The following PLAAT4 variants were observed in gnomAD, a reference collection of about 807,000 sequenced individuals.
PLAAT4 encodes the protein phospholipase A and acyltransferase 4.
In PLAAT4, 12 loss-of-function variants were observed where a neutral mutation model predicts 14.1. The observed-to-expected ratio is 0.85, with a 90% CI of 0.54 to 1.37. The LOEUF is 1.37. Ranked by LOEUF, PLAAT4 falls within the 40% of genes most tolerant of loss-of-function variation. The pLI is 0.00. For missense variants in PLAAT4, 163 were observed against 211.7 expected (o/e 0.77, Z 1.43); for synonymous variants, 77 against 79.8 (o/e 0.96, Z 0.19).
chr11:63,542,931 G>C (rs2017333078), intron 2 of PLAAT4, among the ~76,000 whole-genome samples: 1 of 152,132 alleles, frequency 6.6e-6, no homozygotes, highest in Admixed American at 6.5e-5. Context: ...AAAGCTTATA[G>C]GGGAAACCTG....
At chr11:63,537,631 C>G (rs1565235025) in intron 1 of PLAAT4, among the ~76,000 whole-genome samples, 1 of 152,224 alleles carries the variant, frequency 6.6e-6, no homozygotes, top group Non-Finnish European at 1.5e-5. Context: ...CACTGGCCAC[C>G]AGCTGAGGTT....
intron 2 of PLAAT4, among the ~76,000 whole-genome samples, chr11:63,543,829 A>G (rs2017341067): frequency 6.6e-6 from 1 of 152,218 alleles, no homozygotes; most frequent in African/African-American, 2.4e-5. Flanking sequence ...ATTGTAGGAC[A>G]GAAGACACTT....
chr11:63,540,436 A>G (rs963863800), intron 2 of PLAAT4, among the ~76,000 whole-genome samples: 1 of 152,232 alleles, frequency 6.6e-6, no homozygotes, highest in African/African-American at 2.4e-5. Context: ...CCAATGTTTT[A>G]TTTAACTCAT....
intron 2 of PLAAT4, among the ~76,000 whole-genome samples, chr11:63,544,154 T>C (rs956449174): frequency 2.6e-5 from 4 of 152,180 alleles, no homozygotes; most frequent in Admixed American, 2.0e-4. Context: ...TTTACCATCA[T>C]TGTTTATAAT....
chr11:63,546,329 G>A lies in PLAAT4; in HGVS notation c.*73G>A, dbSNP rs536062221. The A allele has an allele frequency of 4.5e-4, 617 of 1,382,804 alleles. 5 individuals are homozygous for A. The African/African-American group carries it at 8.1e-3, about 18-fold the overall frequency. The allele number at this position is 1,382,804 out of a possible 1,614,324, so 85.7% of individuals were successfully genotyped here. ...GAGATGAGCCTCCCCCATGCCTCCA[G>A]CAGCCTGACCCTCGTGCCCTGTCTC... On this transcript the variant is annotated 3_prime_UTR_variant, in exon 4 of 4. Coordinates refer to ENST00000255688, the MANE Select transcript of PLAAT4 (RefSeq NM_004585.5).
At chr11:63,540,629 G>A (rs1590663572) in intron 2 of PLAAT4, among the ~76,000 whole-genome samples, 1 of 151,990 alleles carries the variant, frequency 6.6e-6, no homozygotes, top group East Asian at 1.9e-4. Context: ...AGTTCAAGAC[G>A]AGCCTGGCCA....
intron 2 of PLAAT4, among the ~76,000 whole-genome samples, chr11:63,541,522 C>A (rs2017321295): frequency 6.9e-6 from 1 of 145,012 alleles, no homozygotes; most frequent in Non-Finnish European, 1.5e-5. Flanking sequence ...ATTTTTCTCT[C>A]TTTCCTTTTT....
At chr11:63,537,365 A>T (rs1048297217) in intron 1 of PLAAT4, among the ~76,000 whole-genome samples, 1 of 151,944 alleles carries the variant, frequency 6.6e-6, no homozygotes, top group African/African-American at 2.4e-5. Context: ...GAAAACTGAA[A>T]TTTCTCCTCC....
chr11:63,543,389 G>A (rs892951758), intron 2 of PLAAT4, among the ~76,000 whole-genome samples: 2 of 152,246 alleles, frequency 1.3e-5, no homozygotes, highest in African/African-American at 4.8e-5. Context: ...TGACCTCCCC[G>A]AGTTCAGGCC....
chr11:63,540,220 C>T (rs531540829), intron 2 of PLAAT4, among the ~76,000 whole-genome samples: 4 of 152,306 alleles, frequency 2.6e-5, no homozygotes, highest in South Asian at 2.1e-4. Flanking sequence ...GAATCTCATA[C>T]GACTTAAACC....
chr11:63,539,269 C>T (rs1334247620), intron 1 of PLAAT4, among the ~76,000 whole-genome samples: 1 of 152,218 alleles, frequency 6.6e-6, no homozygotes, highest in African/African-American at 2.4e-5. Context: ...ACAGCACACA[C>T]ATGTCACACA....
In PLAAT4 at chr11:63,546,333, C is replaced by A; in HGVS notation, c.*77C>A. On this transcript the variant is annotated 3_prime_UTR_variant, in exon 4 of 4. Transcript: ENST00000255688. ...TGAGCCTCCCCCATGCCTCCAGCAG[C>A]CTGACCCTCGTGCCCTGTCTCAGGC... The A allele has an allele frequency of 7.4e-7, 1 of 1,348,082 alleles. No homozygotes were observed. Among genetic ancestry groups the A allele is most frequent in the Admixed American group, 1.7e-5 (1 of 58,440 alleles). 83.5% of individuals were successfully genotyped at this position (1,348,082 alleles called of 1,614,324 possible). A position where few individuals can be genotyped will look rare whatever the true frequency, so the allele number is the denominator to read the frequency against.
At chr11:63,541,066 G>A (rs2017317732) in intron 2 of PLAAT4, among the ~76,000 whole-genome samples, 1 of 152,152 alleles carries the variant, frequency 6.6e-6, no homozygotes, top group African/African-American at 2.4e-5. Flanking sequence ...TTGTAAAAAT[G>A]TCTGAATTGA....
chr11:63,542,138 G>A (rs187967135), intron 2 of PLAAT4, among the ~76,000 whole-genome samples: 68 of 151,974 alleles, frequency 4.5e-4, no homozygotes, highest in Admixed American at 1.4e-3. Flanking sequence ...TAAAAGTATC[G>A]CCTTATAAAA....
At position 63,536,875 on chromosome 11, in the gene PLAAT4, T is replaced by C. The variant is rs1377459955; in HGVS notation, c.7T>C (p.Ser3Pro). Reference protein sequence around the residue: MASPHQEPKPGDL... With the variant: MAPPHQEPKPGDL... ...ACCTCCTCTTGGCTTCGAGATGGCTTCGGTAAGTTTCCCAGGGCTTTGCAT... is the reference window on the plus strand; with the variant it reads ...ACCTCCTCTTGGCTTCGAGATGGCTCCGGTAAGTTTCCCAGGGCTTTGCAT... The change falls in exon 1 of 4, where the codon TCG (serine) becomes CCG (proline). Residue 3 changes from serine (S) to proline (P), a missense_variant and splice_region_variant. Ser to Pro is a moderately conservative substitution (Grantham distance 74, BLOSUM62 -1). Coordinates refer to ENST00000255688, the MANE Select transcript of PLAAT4 (RefSeq NM_004585.5). The C allele has an allele frequency of 1.2e-6, 2 of 1,612,536 alleles. No homozygotes were observed. The highest frequency in any genetic ancestry group is 2.2e-5 in the East Asian group (1 of 44,600).
In PLAAT4 at chr11:63,544,905, G is replaced by C. The variant is rs753285260; in HGVS notation, c.387+16G>C. On this transcript the variant is annotated intron_variant, in intron 3 of 3. Transcript: ENST00000255688. ...CTGTAAACAGGTAAGGACCTCTCTGGATAATCCATCTCCCTCTGCTTGGGG... is the reference window on the plus strand; with the variant it reads ...CTGTAAACAGGTAAGGACCTCTCTGCATAATCCATCTCCCTCTGCTTGGGG... 2 of 1,614,090 alleles carry C rather than the reference G, an allele frequency of 1.2e-6. No homozygotes were observed. Among genetic ancestry groups the C allele is most frequent in the Admixed American group, 1.7e-5 (1 of 60,002 alleles).
Position 63,543,762 on chromosome 11 carries a change from G to A in PLAAT4, c.119-859G>A, listed in dbSNP as rs532562470. Among the ~76,000 whole-genome samples, 20 of 152,302 alleles carry A rather than the reference G, an allele frequency of 1.3e-4. 1 individual carries two copies. In the South Asian group the frequency reaches 3.1e-3, roughly 24 times the overall value. On this transcript the variant is annotated intron_variant, in intron 2 of 3. Transcript: ENST00000255688. ...GGAGTCACTATATAATGGAATTGGG[G>A]CTCCATTGGTTGACAGCTCTTCTGT...
intron 2 of PLAAT4, among the ~76,000 whole-genome samples, chr11:63,542,479 T>C (rs2017329392): frequency 6.6e-6 from 1 of 152,204 alleles, no homozygotes; most frequent in African/African-American, 2.4e-5. Context: ...ATTTACAACG[T>C]GTCTGGCTTG....
intron 2 of PLAAT4, among the ~76,000 whole-genome samples, chr11:63,543,067 T>A (rs1321278690): frequency 2.0e-5 from 3 of 152,238 alleles, no homozygotes; most frequent in Non-Finnish European, 4.4e-5. Flanking sequence ...TTGTTGATGT[T>A]CACTCATCTA....
Sources: allele counts gnomAD v4.1 joint callset (sites outside exome capture counted in the v4.1 genomes callset), GRCh38; gene constraint gnomAD v4.1.1; transcripts MANE v1.5; gene names NCBI Gene and HGNC (gene_info 2026-07-23, HGNC 2026-07-21).